Variants in FBXL13 observed in about 807,000 individuals in gnomAD.
FBXL13 encodes the protein F-box and leucine-rich repeat protein 13.
FBXL13 carries 67 observed loss-of-function variants against 83.6 expected under a neutral mutation model. That is an observed-to-expected ratio of 0.80 (90% confidence interval 0.66 to 0.98). FBXL13 has a LOEUF of 0.98. FBXL13 is among the 50% of genes least tolerant of loss of function. FBXL13 has a pLI of 0.00. For synonymous variants in FBXL13, 272 were observed against 299.5 expected (o/e 0.91, Z 0.95); for missense variants, 822 against 866.5 (o/e 0.95, Z 0.64).
At chr7:102,948,476 T>C (rs1822890000) in intron 8 of FBXL13, among the ~76,000 whole-genome samples, 1 of 152,016 alleles carries the variant, frequency 6.6e-6, no homozygotes, top group Non-Finnish European at 1.5e-5. Context: ...CAGGGTGGAG[T>C]GCAGTGGCAT....
At chr7:102,973,939 G>T (rs1827106523) in intron 6 of FBXL13, among the ~76,000 whole-genome samples, 1 of 152,180 alleles carries the variant, frequency 6.6e-6, no homozygotes, top group African/African-American at 2.4e-5. Flanking sequence ...CCCGTTCCGG[G>T]AACGAAAAAG....
chr7:102,894,698 C>T (rs2009503), intron 11 of FBXL13, among the ~76,000 whole-genome samples: 28,509 of 149,214 alleles, frequency 0.19, 2,941 homozygotes, highest in East Asian at 0.42. Flanking sequence ...CACTGTACTA[C>T]AGCCTGGGTC....
intron 10 of FBXL13, among the ~76,000 whole-genome samples, chr7:102,921,296 A>C (rs1169445143): frequency 6.6e-6 from 1 of 152,362 alleles, no homozygotes; most frequent in East Asian, 1.9e-4. Flanking sequence ...AATAAAGAGA[A>C]GCTTGATCAT....
At chr7:102,960,149 A>C (rs944770044) in intron 8 of FBXL13, among the ~76,000 whole-genome samples, 1 of 152,054 alleles carries the variant, frequency 6.6e-6, no homozygotes, top group Non-Finnish European at 1.5e-5. Context: ...AAAATTGATG[A>C]TCCATAGAAA....
chr7:102,937,595 ATTCAT>A (rs1473384091), intron 8 of FBXL13, among the ~76,000 whole-genome samples: 1 of 151,358 alleles, frequency 6.6e-6, no homozygotes, highest in Non-Finnish European at 1.5e-5. Flanking sequence ...AAATCTAGTG[ATTCAT>A]TTCATCATTT....
At chr7:102,853,322 T>A (rs1805544140) in intron 17 of FBXL13, among the ~76,000 whole-genome samples, 2 of 152,130 alleles carry the variant, frequency 1.3e-5, no homozygotes. Context: ...CCCAAAAACC[T>A]ATGGAAATAA....
At chr7:102,883,497 G>A in intron 13 of FBXL13, 30 bp from the exon 15 acceptor site, 1 of 1,598,644 alleles carries the variant, frequency 6.3e-7, no homozygotes, top group South Asian at 1.1e-5. Flanking sequence ...GAAAAGACAA[G>A]TATTGTATTT....
At position 102,826,769 on chromosome 7, in the gene FBXL13, A is replaced by ATATATATATATATATG. The variant is rs1414065543; in HGVS notation, c.1855-4567_1855-4566insCATATATATATATATA. ...TATATATATATATATATATATATAT[A>ATATATATATATATATG]TATGTATATATATCTCTAATATATT... On this transcript the variant is annotated intron_variant, in intron 18 of 19. Coordinates refer to ENST00000313221, the Ensembl canonical transcript of FBXL13. Among the ~76,000 whole-genome samples the ATATATATATATATATG allele has an allele frequency of 1.4e-3, 141 of 100,710 alleles. 7 individuals are homozygous for ATATATATATATATATG. Among genetic ancestry groups the ATATATATATATATATG allele is most frequent in the Non-Finnish European group, 2.0e-3 (99 of 49,912 alleles). 66.1% of individuals were successfully genotyped at this position (100,710 alleles called of 152,430 possible).
intron 2 of FBXL13, chr7:103,046,879 T>G (rs1363300719): frequency 6.6e-6 from 1 of 152,226 alleles, no homozygotes; most frequent in Non-Finnish European, 1.5e-5. Flanking sequence ...GATTATGAAC[T>G]TAAAGTTCAA....
intron 10 of FBXL13, among the ~76,000 whole-genome samples, chr7:102,919,091 T>C (rs1055274301): frequency 6.6e-6 from 1 of 152,184 alleles, no homozygotes; most frequent in Non-Finnish European, 1.5e-5. Context: ...AGTTGATTGT[T>C]AGCATCTCTT....
At chr7:102,917,783 C>A (rs1816195828) in intron 10 of FBXL13, among the ~76,000 whole-genome samples, 1 of 152,108 alleles carries the variant, frequency 6.6e-6, no homozygotes, top group Non-Finnish European at 1.5e-5. Flanking sequence ...GAGGAGAGAC[C>A]AGAGGCAGCA....
At chr7:103,071,503 C>T (rs1383856384) in intron 1 of FBXL13, among the ~76,000 whole-genome samples, 1 of 151,888 alleles carries the variant, frequency 6.6e-6, no homozygotes, top group African/African-American at 2.4e-5. Context: ...CTCCTCTCAG[C>T]CTCATGAGTA....
chr7:102,866,682 A>G (rs908260729), intron 16 of FBXL13, among the ~76,000 whole-genome samples: 1 of 152,162 alleles, frequency 6.6e-6, no homozygotes, highest in Non-Finnish European at 1.5e-5. Context: ...TTGCAATTGT[A>G]TCATCAGATT....
chr7:102,977,059 T>C lies in FBXL13; in HGVS notation c.496-8942A>G, dbSNP rs1409028536. 2.0e-5 allele frequency among the ~76,000 whole-genome samples: 3 copies of C among 152,128 alleles called. No individual in the cohort carries two copies. The East Asian group carries it at 5.8e-4, about 29-fold the overall frequency. On this transcript the variant is annotated intron_variant, in intron 6 of 19. Transcript: ENST00000313221. ...ACACCCATGGAGTCCCTGTGTATGATCACTTAAACAGAGAAAAACGATCCT... is the reference window on the plus strand; with the variant it reads ...ACACCCATGGAGTCCCTGTGTATGACCACTTAAACAGAGAAAAACGATCCT...
intron 1 of FBXL13, among the ~76,000 whole-genome samples, chr7:103,069,141 C>T (rs974515889): frequency 6.6e-6 from 1 of 151,866 alleles, no homozygotes; most frequent in Non-Finnish European, 1.5e-5. Context: ...GTGAGGAGGC[C>T]CTCTGCCCTG....
At chr7:103,025,905 T>C (rs1489518509) in intron 5 of FBXL13, among the ~76,000 whole-genome samples, 1 of 151,840 alleles carries the variant, frequency 6.6e-6, no homozygotes, top group Non-Finnish European at 1.5e-5. Flanking sequence ...CCTCACTCCA[T>C]TTAAGTGAAT....
exon 8 of FBXL13, chr7:102,963,583 C>T (rs180901632): frequency 6.3e-5 from 101 of 1,612,718 alleles, no homozygotes; most frequent in Middle Eastern, 1.7e-4. Flanking sequence ...AAAATTCAAA[C>T]GCAGCACATT....
intron 1 of FBXL13, among the ~76,000 whole-genome samples, chr7:103,067,759 C>G (rs1384931876): frequency 6.6e-6 from 1 of 152,204 alleles, no homozygotes; most frequent in Admixed American, 6.5e-5. Flanking sequence ...AATATTCTGT[C>G]AACTCCCATA....
At chr7:102,983,422 C>T (rs56402835) in intron 6 of FBXL13, among the ~76,000 whole-genome samples, 28,098 of 111,208 alleles carry the variant, frequency 0.25, 3,256 homozygotes, top group African/African-American at 0.36. Flanking sequence ...CTTTTTTCCC[C>T]TTTTTTTTTT....
Sources: gnomAD v4.1 joint callset for allele counts (sites outside exome capture counted in the v4.1 genomes callset) on GRCh38, gnomAD v4.1.1 for gene constraint, MANE v1.5 for transcripts, NCBI Gene and HGNC (gene_info 2026-07-23, HGNC 2026-07-21) for gene names.